The following NEK7 variants were observed in gnomAD, a reference collection of about 807,000 sequenced individuals.
NEK7 encodes the protein NIMA related kinase 7.
A neutral mutation model predicts 44.6 loss-of-function variants in NEK7; 18 were observed. The observed-to-expected ratio is 0.40, with a 90% CI of 0.28 to 0.60. NEK7 has a LOEUF of 0.60. NEK7 is among the 20% of genes least tolerant of loss of function. NEK7 has a pLI of 0.38. For synonymous variants in NEK7, 130 were observed against 121.1 expected (o/e 1.07, Z -0.48); for missense variants, 256 against 366.5 (o/e 0.70, Z 2.46).
chr1:198,226,271 G>A (rs59996464), intron 1 of NEK7, among the ~76,000 whole-genome samples: 19,445 of 152,054 alleles, frequency 0.13, 1,915 homozygotes, highest in African/African-American at 0.26. Flanking sequence ...AAGTCTGGGC[G>A]TGATGGCTCA....
intron 1 of NEK7, among the ~76,000 whole-genome samples, chr1:198,228,354 C>T (rs1666289061): frequency 6.6e-6 from 1 of 152,142 alleles, no homozygotes; most frequent in South Asian, 2.1e-4. Context: ...AATGCAGGCT[C>T]TTTTTTGGTT....
intron 1 of NEK7, among the ~76,000 whole-genome samples, chr1:198,158,118 A>T (rs1322149879): frequency 6.6e-6 from 1 of 152,108 alleles, no homozygotes; most frequent in African/African-American, 2.4e-5. Flanking sequence ...TTAGTCTTGC[A>T]CTGGGAGCGT....
chr1:198,162,807 C>G (rs1186369073), intron 1 of NEK7, among the ~76,000 whole-genome samples: 1 of 151,862 alleles, frequency 6.6e-6, no homozygotes, highest in African/African-American at 2.4e-5. Flanking sequence ...TTATGACTTT[C>G]TTTGGAGTGT....
Position 198,205,664 on chromosome 1 carries a change from A to ATT in NEK7, c.-28-26878_-28-26877dup, listed in dbSNP as rs561655968. ...TACTCATGACATACACTGCACTCAC[A>ATT]TTTTTTTTTTTTGCTTTCTCATACA... On this transcript the variant is annotated intron_variant, in intron 1 of 9. Transcript: ENST00000367385. Among the ~76,000 whole-genome samples the ATT allele has an allele frequency of 7.0e-4, 102 of 144,782 alleles. 1 individual carries two copies. The Middle Eastern group carries it at 0.011, about 15-fold the overall frequency. 95.0% of individuals were successfully genotyped at this position (144,782 alleles called of 152,430 possible). A position where few individuals can be genotyped will look rare whatever the true frequency, so the allele number is the denominator to read the frequency against.
At chr1:198,174,772 G>A (rs532614546) in intron 1 of NEK7, among the ~76,000 whole-genome samples, 4 of 151,510 alleles carry the variant, frequency 2.6e-5, no homozygotes, top group Admixed American at 6.6e-5. Flanking sequence ...GTTTTTTTTG[G>A]GGGGGGACAG....
intron 1 of NEK7, among the ~76,000 whole-genome samples, chr1:198,188,996 G>C (rs963271348): frequency 6.6e-6 from 1 of 152,158 alleles, no homozygotes; most frequent in Non-Finnish European, 1.5e-5. Flanking sequence ...TGAATGAGTA[G>C]AAAGTGATGA....
At chr1:198,258,422 A>T (rs1453524934) in intron 3 of NEK7, among the ~76,000 whole-genome samples, 2 of 152,142 alleles carry the variant, frequency 1.3e-5, no homozygotes, top group African/African-American at 2.4e-5. Flanking sequence ...CTGGAGACAA[A>T]GCAAGACTCT....
intron 9 of NEK7, among the ~76,000 whole-genome samples, chr1:198,311,161 G>C (rs1032362204): frequency 6.8e-6 from 1 of 147,250 alleles, no homozygotes; most frequent in African/African-American, 2.6e-5. Context: ...CACATCCCTT[G>C]TAAGTTGGAT....
intron 9 of NEK7, among the ~76,000 whole-genome samples, chr1:198,312,277 T>C (rs1405559562): frequency 1.3e-5 from 2 of 151,370 alleles, no homozygotes; most frequent in East Asian, 3.9e-4. Context: ...GTGGGATCGG[T>C]GGTGATATCC....
chr1:198,185,489 A>G (rs902476938), intron 1 of NEK7, among the ~76,000 whole-genome samples: 5 of 152,102 alleles, frequency 3.3e-5, no homozygotes, highest in Admixed American at 2.6e-4. Flanking sequence ...TGGTAGATCT[A>G]TGAAAGTCTT....
At chr1:198,293,109 A>AAGGATATCCTTATATCCT in intron 8 of NEK7, 70 bp downstream of exon 8, 1 of 768,484 alleles carries the variant, frequency 1.3e-6, no homozygotes, top group Non-Finnish European at 2.1e-6. Flanking sequence ...TCCTTATAGT[A>AAGGATATCCTTATATCCT]TATACTTACT....
chr1:198,207,468 C>G (rs535211858), intron 1 of NEK7, among the ~76,000 whole-genome samples: 5 of 152,028 alleles, frequency 3.3e-5, no homozygotes, highest in African/African-American at 1.2e-4. Context: ...CAATGCAGAC[C>G]CCCCTCAGTT....
At chr1:198,268,554 C>A (rs1383669764) in intron 5 of NEK7, among the ~76,000 whole-genome samples, 8 of 152,084 alleles carry the variant, frequency 5.3e-5, no homozygotes, top group Non-Finnish European at 7.4e-5. Flanking sequence ...CAACATCCAG[C>A]ACCCATTCCT....
At chr1:198,262,273 A>G (rs1653501589) in intron 3 of NEK7, among the ~76,000 whole-genome samples, 1 of 151,930 alleles carries the variant, frequency 6.6e-6, no homozygotes, top group Non-Finnish European at 1.5e-5. Context: ...CTCAACATAT[A>G]TTAGCTATTA....
At chr1:198,186,146 G>T (rs915306141) in intron 1 of NEK7, among the ~76,000 whole-genome samples, 2 of 152,108 alleles carry the variant, frequency 1.3e-5, no homozygotes, top group Non-Finnish European at 2.9e-5. Flanking sequence ...ATGATCAACA[G>T]AAATTATTTT....
chr1:198,319,673 C>A lies in NEK7; in HGVS notation c.*151C>A. On this transcript the variant is annotated 3_prime_UTR_variant, in exon 10 of 10. Transcript: ENST00000367385. ...GTTTTCATATAAGCTTCATTTTGTA[C>A]CAGTCACCTAAATCACCTCCTTGCA... 1 of 899,706 alleles carries A rather than the reference C, an allele frequency of 1.1e-6. No individual in the cohort carries two copies. Among genetic ancestry groups the A allele is most frequent in the Non-Finnish European group, 1.5e-6 (1 of 663,702 alleles). The allele number at this position is 899,706 out of a possible 1,614,324, so 55.7% of individuals were successfully genotyped here.
chr1:198,179,862 C>A (rs1232655421), intron 1 of NEK7, among the ~76,000 whole-genome samples: 1 of 152,002 alleles, frequency 6.6e-6, no homozygotes, highest in Non-Finnish European at 1.5e-5. Context: ...TGTGTAAACA[C>A]ACAAAGTAGA....
chr1:198,173,752 G>C (rs1664521391), intron 1 of NEK7, among the ~76,000 whole-genome samples: 2 of 151,966 alleles, frequency 1.3e-5, no homozygotes, highest in Admixed American at 6.6e-5. Context: ...GTATTAATTA[G>C]ATTTTCATTT....
At chr1:198,204,609 C>T (rs2102800459) in intron 1 of NEK7, among the ~76,000 whole-genome samples, 4 of 151,296 alleles carry the variant, frequency 2.6e-5, no homozygotes, top group Admixed American at 2.0e-4. Flanking sequence ...GTCCCAGCTA[C>T]TCGGGAGGCT....
Sources: gnomAD v4.1 joint callset for allele counts (sites outside exome capture counted in the v4.1 genomes callset) on GRCh38, gnomAD v4.1.1 for gene constraint, MANE v1.5 for transcripts, NCBI Gene and HGNC (gene_info 2026-07-23, HGNC 2026-07-21) for gene names.